L2HGDH: variants seen among roughly 807,000 people sequenced by gnomAD.
L2HGDH encodes the protein L-2-hydroxyglutarate dehydrogenase.
Under a neutral mutation model 51.5 loss-of-function variants are expected in L2HGDH, and 34 were observed. The observed-to-expected ratio is 0.66, with a 90% CI of 0.50 to 0.88. The LOEUF (loss-of-function observed/expected upper bound fraction) is 0.88. Ranked by LOEUF, L2HGDH falls within the 40% of genes least tolerant of loss-of-function variation. The probability of loss-of-function intolerance (pLI) is 0.00; values close to 1 mark genes in which losing one functional copy is unlikely to be tolerated. For missense variants in L2HGDH, 558 were observed against 571.9 expected, an observed-to-expected ratio of 0.98 and a Z score of 0.25; for synonymous variants, 198 against 197.9, an observed-to-expected ratio of 1.00 and a Z score of -0.01.
chr14:50,273,075 G>T (rs761186804), intron 6 of L2HGDH, among the ~76,000 whole-genome samples: 3 of 130,674 alleles, frequency 2.3e-5, no homozygotes, highest in Non-Finnish European at 5.1e-5. Flanking sequence ...GATGGCCAAA[G>T]ATATGGATCT....
intron 4 of L2HGDH, among the ~76,000 whole-genome samples, chr14:50,292,891 A>C (rs529771674): frequency 6.6e-6 from 1 of 152,134 alleles, no homozygotes; most frequent in African/African-American, 2.4e-5. Flanking sequence ...TCTCAAAAAA[A>C]AAAACAAAAC....
intron 5 of L2HGDH, 71 bp downstream of exon 5, chr14:50,283,800 A>G (rs976222350): frequency 1.4e-6 from 2 of 1,380,954 alleles, no homozygotes; most frequent in African/African-American, 2.8e-5. Flanking sequence ...CAGTTGGTTA[A>G]AACCACAGAT....
chr14:50,264,121 T>A (rs112131693), intron 9 of L2HGDH, among the ~76,000 whole-genome samples: 2,249 of 151,210 alleles, frequency 0.015, 51 homozygotes, highest in African/African-American at 0.047. Context: ...GGCTCACGCC[T>A]GTAATCCCAG....
At chr14:50,278,592 A>C (rs758396205) in intron 5 of L2HGDH, 38 bp from the exon 6 acceptor site, 1 of 1,089,452 alleles carries the variant, frequency 9.2e-7, no homozygotes, top group African/African-American at 1.6e-5. Flanking sequence ...TATTTTTAGC[A>C]AAAGGCCAAC....
In L2HGDH at chr14:50,267,802, T is replaced by G; in HGVS notation, c.1015A>C (p.Arg339=). ...TCTGTGGCACTGAAGTCAAAGGGTC[T>G]GTAACCCTCTCGTTTAAAGGCAAGA... ...AVLAFKREGY[R]PFDFSATDVM... The change falls in exon 8 of 10, where the codon AGA becomes CGA. Residue 339 remains arginine, a synonymous_variant. Coordinates refer to ENST00000267436, the MANE Select transcript of L2HGDH (RefSeq NM_024884.3). 1 of 1,613,292 alleles carries G rather than the reference T, an allele frequency of 6.2e-7. No homozygotes were observed.
At chr14:50,268,306 G>C (rs981470249) in intron 7 of L2HGDH, among the ~76,000 whole-genome samples, 3 of 149,724 alleles carry the variant, frequency 2.0e-5, no homozygotes, top group Non-Finnish European at 4.4e-5. Context: ...TTAAACCCAG[G>C]AGATGGAGGT....
At chr14:50,262,788 C>T (rs552504815) in intron 9 of L2HGDH, among the ~76,000 whole-genome samples, 5 of 152,072 alleles carry the variant, frequency 3.3e-5, no homozygotes, top group Non-Finnish European at 7.4e-5. Flanking sequence ...TCTACAGCTT[C>T]CTTTTTGTTA....
At chr14:50,310,522 C>A (rs115098976) in intron 1 of L2HGDH, among the ~76,000 whole-genome samples, 1 of 151,920 alleles carries the variant, frequency 6.6e-6, no homozygotes, top group African/African-American at 2.4e-5. Flanking sequence ...CCCTGGGCAA[C>A]GTCTCTACAA....
Position 50,242,533 on chromosome 14 carries a change from G to A in L2HGDH, c.*4525C>T, listed in dbSNP as rs1299518636. On this transcript the variant is annotated 3_prime_UTR_variant, in exon 10 of 10. Coordinates refer to ENST00000267436, the MANE Select transcript of L2HGDH (RefSeq NM_024884.3). ...ACAACAAACCCACAATACTTTCTAG[G>A]ATTTGAGGCCAGAAAAGTAGAGTTG... 3.0e-6 allele frequency: 3 copies of A among 984,284 alleles called. No homozygotes were observed. Among genetic ancestry groups the A allele is most frequent in the African/African-American group, 1.7e-5 (1 of 57,192 alleles). The allele number at this position is 984,284 out of a possible 1,614,324, so 61.0% of individuals were successfully genotyped here. A position where few individuals can be genotyped will look rare whatever the true frequency, so the allele number is the denominator to read the frequency against.
chr14:50,242,503 C>A lies in L2HGDH; in HGVS notation c.*4555G>T, dbSNP rs1887847200. ...AAATACAAGCAATTAACAACATCAA[C>A]AACAACAACAAACCCACAATACTTT... is the stretch of plus-strand genomic sequence containing the variant. On this transcript the variant is annotated 3_prime_UTR_variant, in exon 10 of 10. Transcript: ENST00000267436. 1.0e-6 allele frequency: 1 copy of A among 982,538 alleles called. No individual in the cohort carries two copies. Among genetic ancestry groups the A allele is most frequent in the Non-Finnish European group, 1.2e-6 (1 of 827,488 alleles). The allele number at this position is 982,538 out of a possible 1,614,324, so 60.9% of individuals were successfully genotyped here. A position where few individuals can be genotyped will look rare whatever the true frequency, so the allele number is the denominator to read the frequency against.
intron 9 of L2HGDH, among the ~76,000 whole-genome samples, chr14:50,249,540 A>C (rs1888213016): frequency 6.6e-6 from 1 of 151,800 alleles, no homozygotes. Context: ...ACATTTCTAG[A>C]CCCACCCCGG....
intron 7 of L2HGDH, among the ~76,000 whole-genome samples, chr14:50,268,931 T>G (rs929339343): frequency 6.6e-6 from 1 of 152,140 alleles, no homozygotes; most frequent in Non-Finnish European, 1.5e-5. Context: ...CTTCCCAGAG[T>G]GCACTCATGC....
intron 9 of L2HGDH, among the ~76,000 whole-genome samples, chr14:50,258,696 T>C (rs963190439): frequency 1.3e-5 from 2 of 151,900 alleles, no homozygotes; most frequent in Non-Finnish European, 2.9e-5. Context: ...AAATTTTTGG[T>C]ATAGATGGGG....
At chr14:50,279,071 A>T (rs1890119681) in intron 5 of L2HGDH, among the ~76,000 whole-genome samples, 1 of 152,242 alleles carries the variant, frequency 6.6e-6, no homozygotes, top group African/African-American at 2.4e-5. Flanking sequence ...AAGTTTTATA[A>T]AGCGTATGTA....
chr14:50,302,093 T>C lies in L2HGDH; in HGVS notation c.332A>G (p.Lys111Arg), dbSNP rs2030445392. 6.2e-7 allele frequency: 1 copy of C among 1,614,008 alleles called. No homozygotes were observed. The highest frequency in any genetic ancestry group is 8.5e-7 in the Non-Finnish European group (1 of 1,180,016). ...GAGGGCTGCACCTTGTACACATAAT[T>C]TGGCTTTCAGAGACTCAGGTTTATA... is the stretch of plus-strand genomic sequence containing the variant. ...IYYKPESLKA[K>R]LCVQGAALLY... The change falls in exon 3 of 10, where the codon AAA becomes AGA. Residue 111 changes from lysine (K) to arginine (R), a missense_variant. Around this residue, in one of 3 missense-constraint regions of L2HGDH, gnomAD observed 194 missense variants for 187.2 expected, o/e 1.04. Coordinates refer to ENST00000267436, the MANE Select transcript of L2HGDH (RefSeq NM_024884.3).
At chr14:50,290,232 AC>A (rs1431568951) in intron 4 of L2HGDH, among the ~76,000 whole-genome samples, 1 of 152,038 alleles carries the variant, frequency 6.6e-6, no homozygotes, top group Non-Finnish European at 1.5e-5. Context: ...ACGCCACTGC[AC>A]TCCAGCCTGG....
chr14:50,265,569 T>C lies in L2HGDH; in HGVS notation c.1065-80A>G. On this transcript the variant is annotated intron_variant, in intron 8 of 9. Transcript: ENST00000267436. ...AATACCTTTATAATTATTAGATTCT[T>C]TTTTTATGTCATCACAAAAATCTAG... 6 of 1,257,874 alleles carry C rather than the reference T, an allele frequency of 4.8e-6. 1 individual carries two copies. In the South Asian group the frequency reaches 8.2e-5, roughly 17 times the overall value. The allele number at this position is 1,257,874 out of a possible 1,614,324, so 77.9% of individuals were successfully genotyped here.
chr14:50,291,197 CAAAAAAAAAAAAA>C (rs1159640500), intron 4 of L2HGDH, among the ~76,000 whole-genome samples: 9 of 30,652 alleles, frequency 2.9e-4, no homozygotes, highest in South Asian at 3.1e-3. Flanking sequence ...GACTCCGTCT[CAAAAAAAAAAAAA>C]AAAAAAAAAA....
rs1206971329 is a variant in L2HGDH at position 50,312,083 on chromosome 14, G to C, written c.68C>G (p.Ser23Cys). The change falls in exon 1 of 10, where the codon TCC becomes TGC. Residue 23 changes from serine (S) to cysteine (C), a missense_variant. This residue lies in a region of L2HGDH where 194 missense variants were observed against 187.2 expected (regional missense o/e 1.04). Transcript: ENST00000267436. ...AGACGCGAACCCGCACGCCCCAGGG[G>C]AGCCACCGGCGAAAAGCCCGCGGGC... is the stretch of plus-strand genomic sequence containing the variant. ...GRARGLFAGG[S>C]PGACGFASGR... 2 of 1,605,368 alleles carry C rather than the reference G, an allele frequency of 1.2e-6. No individual in the cohort carries two copies. The highest frequency in any genetic ancestry group is 2.2e-5 in the South Asian group (2 of 90,002).
Sources: gnomAD v4.1 joint callset for allele counts (sites outside exome capture counted in the v4.1 genomes callset) on GRCh38, gnomAD v4.1.1 for gene constraint, gnomAD v4.1.1 regional missense constraint, MANE v1.5 for transcripts, NCBI Gene and HGNC (gene_info 2026-07-23, HGNC 2026-07-21) for gene names.